Variants in CNTNAP2 observed in about 807,000 individuals in gnomAD.
CNTNAP2 encodes the protein contactin-associated protein-like 2.
In CNTNAP2, 98 loss-of-function variants were observed where a neutral mutation model predicts 155.2. The ratio of observed to expected loss-of-function variants is 0.63; its 90% CI spans 0.54 to 0.75. CNTNAP2 has a LOEUF of 0.75. Ranked by LOEUF, CNTNAP2 falls within the 30% of genes least tolerant of loss-of-function variation. The pLI is 0.00. For synonymous variants in CNTNAP2, 651 were observed against 631.2 expected (o/e 1.03, Z -0.47); for missense variants, 1,727 against 1,688.1 (o/e 1.02, Z -0.40).
At chr7:146,425,027 A>G (rs1351945348) in intron 1 of CNTNAP2, among the ~76,000 whole-genome samples, 1 of 152,218 alleles carries the variant, frequency 6.6e-6, no homozygotes, top group Non-Finnish European at 1.5e-5. Context: ...CTAGGTATAA[A>G]AACAAATCCA....
intron 15 of CNTNAP2, among the ~76,000 whole-genome samples, chr7:147,987,059 AAGC>A (rs536595508): frequency 1.9e-4 from 29 of 152,194 alleles, no homozygotes; most frequent in African/African-American, 6.7e-4. Context: ...AACAACTGAG[AAGC>A]AGTAGTGGGT....
At position 147,850,077 on chromosome 7, in the gene CNTNAP2, T is replaced by TGGA. The variant is rs1171159817; in HGVS notation, c.2099-53488_2099-53487insGGA. On this transcript the variant is annotated intron_variant, in intron 13 of 23. Coordinates refer to ENST00000361727, the MANE Select transcript of CNTNAP2 (RefSeq NM_014141.6). ...CCTTTTCTGGAAAGAGGCAACATTT[T>TGGA]AAGACCATTCAAGATTAACCTTTAC... 2.0e-5 allele frequency: 3 copies of TGGA among 152,218 alleles called. No homozygotes were observed. In the East Asian group the frequency reaches 5.8e-4, roughly 29 times the overall value. The allele number at this position is 152,218 out of a possible 1,614,324, so 9.4% of individuals were successfully genotyped here. A position where few individuals can be genotyped will look rare whatever the true frequency, so the allele number is the denominator to read the frequency against.
intron 12 of CNTNAP2, among the ~76,000 whole-genome samples, chr7:147,627,589 G>A (rs543316707): frequency 6.6e-6 from 1 of 151,508 alleles, no homozygotes; most frequent in Non-Finnish European, 1.5e-5. Context: ...GTACTTGGGA[G>A]GCTGAGGCAG....
intron 5 of CNTNAP2, among the ~76,000 whole-genome samples, chr7:147,110,898 G>A (rs2129280213): frequency 6.6e-6 from 1 of 152,152 alleles, no homozygotes; most frequent in Non-Finnish European, 1.5e-5. Flanking sequence ...TCCAGTAATG[G>A]GATTGCTGGG....
intron 1 of CNTNAP2, among the ~76,000 whole-genome samples, chr7:146,509,643 G>C (rs1409012794): frequency 6.6e-6 from 1 of 152,028 alleles, no homozygotes; most frequent in East Asian, 1.9e-4. Context: ...AGGGGTCTCT[G>C]ACTGGGGTGG....
intron 9 of CNTNAP2, among the ~76,000 whole-genome samples, chr7:147,376,461 T>G (rs1255010281): frequency 6.6e-6 from 1 of 152,012 alleles, no homozygotes; most frequent in Non-Finnish European, 1.5e-5. Flanking sequence ...TTGAACACTC[T>G]GTTATCAGGT....
intron 2 of CNTNAP2, among the ~76,000 whole-genome samples, chr7:146,801,225 C>T (rs1218973492): frequency 6.6e-6 from 1 of 152,094 alleles, no homozygotes; most frequent in African/African-American, 2.4e-5. Flanking sequence ...CTAGCTCTGA[C>T]ATGAACTAAT....
chr7:146,528,470 A>T (rs1399410432), intron 1 of CNTNAP2, among the ~76,000 whole-genome samples: 1 of 152,230 alleles, frequency 6.6e-6, no homozygotes, highest in African/African-American at 2.4e-5. Flanking sequence ...TAGGCTCAGA[A>T]GTTACCATTA....
At chr7:146,310,859 A>G (rs114582130) in intron 1 of CNTNAP2, among the ~76,000 whole-genome samples, 1 of 152,266 alleles carries the variant, frequency 6.6e-6, no homozygotes, top group African/African-American at 2.4e-5. Flanking sequence ...ATAAAACTCT[A>G]TTTTACTAAT....
At chr7:146,289,584 A>C (rs776142003) in intron 1 of CNTNAP2, among the ~76,000 whole-genome samples, 4 of 152,236 alleles carry the variant, frequency 2.6e-5, no homozygotes, top group Non-Finnish European at 4.4e-5. Context: ...CAACAGGTAC[A>C]AGTCAAATTA....
intron 13 of CNTNAP2, among the ~76,000 whole-genome samples, chr7:147,797,022 A>G (rs1481299384): frequency 6.6e-6 from 1 of 152,224 alleles, no homozygotes; most frequent in Non-Finnish European, 1.5e-5. Context: ...GAATCCAGAA[A>G]TATCTTAAAG....
At chr7:148,022,779 G>C (rs372485939) in intron 15 of CNTNAP2, among the ~76,000 whole-genome samples, 2 of 152,076 alleles carry the variant, frequency 1.3e-5, no homozygotes, top group African/African-American at 4.8e-5. Context: ...CCTCCTTCCT[G>C]TGTCTGCAGT....
chr7:146,869,838 C>T (rs944305490), intron 3 of CNTNAP2, among the ~76,000 whole-genome samples: 2 of 152,126 alleles, frequency 1.3e-5, no homozygotes, highest in Admixed American at 6.6e-5. Flanking sequence ...ATGGTTCCCA[C>T]CCACAATGTG....
At chr7:148,125,198 G>A (rs1052468667) in intron 16 of CNTNAP2, among the ~76,000 whole-genome samples, 2 of 151,986 alleles carry the variant, frequency 1.3e-5, no homozygotes, top group Non-Finnish European at 2.9e-5. Flanking sequence ...ACCATCTAGT[G>A]GGAAAGACTA....
intron 2 of CNTNAP2, among the ~76,000 whole-genome samples, chr7:146,804,316 A>G (rs996758536): frequency 3.9e-5 from 6 of 152,150 alleles, no homozygotes; most frequent in Non-Finnish European, 8.8e-5. Context: ...CTTATTGATC[A>G]TGCTCATTTA....
At chr7:147,032,773 A>G (rs1799060964) in intron 3 of CNTNAP2, among the ~76,000 whole-genome samples, 1 of 152,076 alleles carries the variant, frequency 6.6e-6, no homozygotes, top group African/African-American at 2.4e-5. Flanking sequence ...GGAGTCAGAG[A>G]GTAAGAAAAG....
chr7:146,255,366 T>C (rs996454027), intron 1 of CNTNAP2, among the ~76,000 whole-genome samples: 2 of 152,152 alleles, frequency 1.3e-5, no homozygotes, highest in African/African-American at 4.8e-5. Flanking sequence ...TCAACAAAAT[T>C]AAATTTTTCA....
intron 1 of CNTNAP2, among the ~76,000 whole-genome samples, chr7:146,164,278 C>G (rs375300358): frequency 1.1e-4 from 17 of 152,198 alleles, no homozygotes; most frequent in African/African-American, 4.1e-4. Flanking sequence ...AAAACAGAAT[C>G]TTAAGTATAG....
At chr7:146,151,460 T>A (rs1347747543) in intron 1 of CNTNAP2, among the ~76,000 whole-genome samples, 2 of 150,902 alleles carry the variant, frequency 1.3e-5, no homozygotes, top group African/African-American at 4.9e-5. Context: ...ATTTTTTTTT[T>A]ACATTTTATA....
Sources: allele counts gnomAD v4.1 joint callset (sites outside exome capture counted in the v4.1 genomes callset), GRCh38; gene constraint gnomAD v4.1.1; transcripts MANE v1.5; gene names NCBI Gene and HGNC (gene_info 2026-07-23, HGNC 2026-07-21).